NCALD: variants seen among roughly 807,000 people sequenced by gnomAD.
NCALD encodes the protein neurocalcin delta, also known as neurocalcin-delta.
In NCALD, 10 loss-of-function variants were observed where a neutral mutation model predicts 18.6. The observed-to-expected ratio is 0.54, with a 90% CI of 0.33 to 0.91. The LOEUF (loss-of-function observed/expected upper bound fraction) is 0.91. NCALD is among the 40% of genes least tolerant of loss of function. NCALD has a pLI of 0.03. For synonymous variants in NCALD, 88 were observed against 87.4 expected (o/e 1.01, Z -0.04); for missense variants, 184 against 247.6 (o/e 0.74, Z 1.72).
chr8:101,845,225 C>T (rs1444243934), intron 4 of NCALD, among the ~76,000 whole-genome samples: 1 of 152,128 alleles, frequency 6.6e-6, no homozygotes, highest in Non-Finnish European at 1.5e-5. Flanking sequence ...AAGAGTGAGC[C>T]CAGTAATGTA....
intron 2 of NCALD, among the ~76,000 whole-genome samples, chr8:101,979,592 T>C (rs993610140): frequency 1.3e-5 from 2 of 152,196 alleles, no homozygotes; most frequent in African/African-American, 4.8e-5. Context: ...CACTTTAAAA[T>C]AACACAGAAG....
intron 2 of NCALD, among the ~76,000 whole-genome samples, chr8:101,948,841 T>C (rs1471184197): frequency 6.6e-6 from 1 of 152,178 alleles, no homozygotes; most frequent in Non-Finnish European, 1.5e-5. Context: ...AGCAACTTAC[T>C]TAGCTTCCTG....
At chr8:101,833,609 T>C (rs868738595) in intron 4 of NCALD, among the ~76,000 whole-genome samples, 2 of 130,888 alleles carry the variant, frequency 1.5e-5, no homozygotes, top group African/African-American at 6.4e-5. Flanking sequence ...TTTTGTTTCT[T>C]GTTTTTTTTT....
intron 1 of NCALD, among the ~76,000 whole-genome samples, chr8:102,085,959 T>C (rs1223829480): frequency 2.0e-5 from 3 of 152,192 alleles, no homozygotes; most frequent in Non-Finnish European, 4.4e-5. Flanking sequence ...TCCTATTTTC[T>C]TTGTCCTTAT....
At chr8:102,003,725 T>C (rs1821580090) in intron 2 of NCALD, among the ~76,000 whole-genome samples, 1 of 152,180 alleles carries the variant, frequency 6.6e-6, no homozygotes, top group South Asian at 2.1e-4. Flanking sequence ...TGGTTCAACA[T>C]ACGCAAATCA....
At chr8:102,055,927 A>G (rs1296506665) in intron 1 of NCALD, among the ~76,000 whole-genome samples, 1 of 152,174 alleles carries the variant, frequency 6.6e-6, no homozygotes, top group Non-Finnish European at 1.5e-5. Context: ...AATTCATCAC[A>G]GGGAGCTCAT....
At chr8:102,089,862 T>C (rs753632983) in intron 1 of NCALD, among the ~76,000 whole-genome samples, 2 of 152,358 alleles carry the variant, frequency 1.3e-5, no homozygotes, top group African/African-American at 2.4e-5. Context: ...TAAAAGGGTA[T>C]TCAGTTTTTC....
chr8:102,042,632 G>T (rs1823090069), intron 1 of NCALD, among the ~76,000 whole-genome samples: 2 of 151,820 alleles, frequency 1.3e-5, no homozygotes, highest in South Asian at 4.1e-4. Flanking sequence ...GGGTCTCCTG[G>T]ACATTTCATG....
At chr8:102,072,934 T>C (rs578162090) in intron 1 of NCALD, among the ~76,000 whole-genome samples, 1 of 152,322 alleles carries the variant, frequency 6.6e-6, no homozygotes, top group South Asian at 2.1e-4. Context: ...ATGTGTAAAA[T>C]TCTTAACATT....
At chr8:101,742,240 A>G (rs1563720668) in intron 1 of NCALD, among the ~76,000 whole-genome samples, 1 of 152,090 alleles carries the variant, frequency 6.6e-6, no homozygotes, top group Non-Finnish European at 1.5e-5. Flanking sequence ...GAAAAAAAAA[A>G]AGAAAGAAAG....
At chr8:101,991,865 T>C (rs1821061533) in intron 2 of NCALD, among the ~76,000 whole-genome samples, 1 of 152,142 alleles carries the variant, frequency 6.6e-6, no homozygotes, top group Admixed American at 6.5e-5. Context: ...CAAAAAATGG[T>C]CTTTTGAAGA....
At chr8:101,719,782 T>A in intron 1 of NCALD, 134 bp from the exon 2 acceptor site, 1 of 800,552 alleles carries the variant, frequency 1.2e-6, no homozygotes, top group Non-Finnish European at 1.9e-6. Context: ...TAACACTGTC[T>A]AGGTTTTGCA....
In NCALD at chr8:101,689,228, C is replaced by T; in HGVS notation, c.*81G>A. The T allele has an allele frequency of 8.5e-7, 1 of 1,170,718 alleles. No homozygotes were observed. The highest frequency in any genetic ancestry group is 2.6e-5 in the East Asian group (1 of 38,274). 72.5% of individuals were successfully genotyped at this position (1,170,718 alleles called of 1,614,324 possible). A position where few individuals can be genotyped will look rare whatever the true frequency, so the allele number is the denominator to read the frequency against. ...CGGCATCACCATTGATATTGTTTGG[C>T]AAAAAAAAAAAAAAATTGTTAAAAA... On this transcript the variant is annotated 3_prime_UTR_variant, in exon 4 of 4. Transcript: ENST00000220931. The surrounding 1 kb of genome is among the most constrained non-coding windows in gnomAD (Gnocchi z 4.4).
intron 3 of NCALD, among the ~76,000 whole-genome samples, chr8:101,892,834 G>C (rs1481553500): frequency 1.3e-5 from 2 of 149,440 alleles, no homozygotes; most frequent in Non-Finnish European, 2.9e-5. Context: ...AAAGAAATAA[G>C]CAAAGCCTCC....
intron 1 of NCALD, among the ~76,000 whole-genome samples, chr8:102,100,495 G>A (rs996802308): frequency 1.3e-5 from 2 of 152,010 alleles, no homozygotes; most frequent in African/African-American, 2.4e-5. Context: ...AGGCTTTGGG[G>A]CACCACTGAG....
chr8:101,851,238 G>T (rs1450303746), intron 4 of NCALD, among the ~76,000 whole-genome samples: 2 of 152,134 alleles, frequency 1.3e-5, no homozygotes, highest in Non-Finnish European at 2.9e-5. Flanking sequence ...AAGAAAGGGA[G>T]TGAGGGAGAA....
intron 2 of NCALD, among the ~76,000 whole-genome samples, chr8:101,981,892 A>G (rs908394508): frequency 6.6e-6 from 1 of 152,100 alleles, no homozygotes; most frequent in African/African-American, 2.4e-5. Flanking sequence ...TGAAATGTCA[A>G]TGTTGGAAGT....
chr8:101,968,843 C>T (rs1451697785), intron 2 of NCALD, among the ~76,000 whole-genome samples: 4 of 152,180 alleles, frequency 2.6e-5, no homozygotes, highest in Non-Finnish European at 5.9e-5. Flanking sequence ...CCCCACAATG[C>T]ATACCGAGCA....
rs555780826 is a variant in NCALD at position 101,812,024 on chromosome 8, TG to T, written c.-20+75116del. Among the ~76,000 whole-genome samples, 265 of 152,164 alleles carry T rather than the reference TG, an allele frequency of 1.7e-3. 3 individuals carry two copies. Among genetic ancestry groups the T allele is most frequent in the African/African-American group, 5.6e-3 (233 of 41,520 alleles). On this transcript the variant is annotated intron_variant, in intron 4 of 6. Transcript: ENST00000311028. ...GAAAAGATTTGTTCTCAGAATGGAG[TG>T]GGATGGTTAATTTACACAGCTATCC... is the stretch of plus-strand genomic sequence containing the variant.
Sources: gnomAD v4.1 joint callset for allele counts (sites outside exome capture counted in the v4.1 genomes callset) on GRCh38, gnomAD v4.1.1 for gene constraint, Gnocchi (gnomAD v3.1) non-coding constraint, MANE v1.5 for transcripts, NCBI Gene and HGNC (gene_info 2026-07-23, HGNC 2026-07-21) for gene names.